Variants in SYT5 observed in about 807,000 individuals in gnomAD.
SYT5 encodes synaptotagmin 5.
Under a neutral mutation model 36.0 loss-of-function variants are expected in SYT5, and 29 were observed. The observed-to-expected ratio is 0.81, with a 90% CI of 0.60 to 1.10. SYT5 has a LOEUF of 1.10. Among genes scored for constraint, SYT5 ranks in the 50% least tolerant of loss-of-function variants. The pLI, the probability that SYT5 is intolerant of heterozygous loss-of-function variation, is 0.00. For missense variants in SYT5, 512 were observed against 516.0 expected (o/e 0.99, Z 0.08); for synonymous variants, 231 against 227.6 (o/e 1.02, Z -0.14).
In SYT5 at chr19:55,179,306, A is replaced by G. The variant is rs1188504165; in HGVS notation, c.-45-220T>C. 3 of 1,321,984 alleles carry G rather than the reference A, an allele frequency of 2.3e-6. No individual in the cohort carries two copies. The highest frequency in any genetic ancestry group is 3.6e-5 in the Admixed American group (1 of 27,900). 81.9% of individuals were successfully genotyped at this position (1,321,984 alleles called of 1,614,324 possible). On this transcript the variant is annotated intron_variant, in intron 1 of 8. Coordinates refer to ENST00000354308, the MANE Select transcript of SYT5 (RefSeq NM_003180.3). The surrounding 1 kb of genome is among the most constrained non-coding windows in gnomAD (Gnocchi z 4.5). ...CCTCTTCCTCCACGGCCCCACAGGC[A>G]TCCCGCTGACTTCTGCCTCGTCCTC...
At chr19:55,176,230 C>G in intron 3 of SYT5, 106 bp from the exon 4 acceptor site, 1 of 1,484,214 alleles carries the variant, frequency 6.7e-7, no homozygotes. Flanking sequence ...TATACCTGAG[C>G]TCTCACAGGC....
At position 55,173,161 on chromosome 19, in the gene SYT5, A is replaced by C; in HGVS notation, c.*323T>G. 6.8e-6 allele frequency: 2 copies of C among 294,900 alleles called. No homozygotes were observed. The highest frequency in any genetic ancestry group is 6.3e-6 in the Non-Finnish European group (1 of 159,372). The allele number at this position is 294,900 out of a possible 1,614,324, so 18.3% of individuals were successfully genotyped here. On this transcript the variant is annotated 3_prime_UTR_variant, in exon 9 of 9. Transcript: ENST00000354308. This position sits in a 1 kb window ranked among gnomAD's most constrained non-coding sequence, Gnocchi z 5.4. Reference sequence around the variant, plus strand: ...GCAGGGATGGGCTGTGTTGGAAGAGAGAGGAGAGCAGACGAGGATGGCTGA... The same window carrying C: ...GCAGGGATGGGCTGTGTTGGAAGAGCGAGGAGAGCAGACGAGGATGGCTGA...
At position 55,178,881 on chromosome 19, in the gene SYT5, G is replaced by A. The variant is rs138036665; in HGVS notation, c.79+82C>T. ...CGGATTTTCCAGCCCGCCTGCCCGAGTACACCCGTCCGAATCCCGCCCCTC... is the reference window on the plus strand; with the variant it reads ...CGGATTTTCCAGCCCGCCTGCCCGAATACACCCGTCCGAATCCCGCCCCTC... On this transcript the variant is annotated intron_variant, in intron 2 of 8. Coordinates refer to ENST00000354308, the MANE Select transcript of SYT5 (RefSeq NM_003180.3). The A allele has an allele frequency of 5.0e-4, 643 of 1,284,756 alleles. 4 individuals carry two copies. In the African/African-American group the frequency reaches 8.9e-3, roughly 18 times the overall value. The allele number at this position is 1,284,756 out of a possible 1,614,324, so 79.6% of individuals were successfully genotyped here. A position where few individuals can be genotyped will look rare whatever the true frequency, so the allele number is the denominator to read the frequency against.
At position 55,175,246 on chromosome 19, in the gene SYT5, C is replaced by T. The variant is rs1177256311; in HGVS notation, c.634G>A (p.Val212Ile). The T allele has an allele frequency of 4.4e-6, 7 of 1,608,650 alleles. No individual in the cohort carries two copies. The highest frequency in any genetic ancestry group is 5.1e-6 in the Non-Finnish European group (6 of 1,178,386). Residue 212 changes from valine to isoleucine, a missense_variant, in exon 6 of 9, where the codon GTC becomes ATC. Physicochemically the swap from Val to Ile is conservative, Grantham distance 29 (BLOSUM62 3). Coordinates refer to ENST00000354308, the MANE Select transcript of SYT5 (RefSeq NM_003180.3). This position sits in a 1 kb window ranked among gnomAD's most constrained non-coding sequence, Gnocchi z 4.5. ...SRNDAIGEVR[V>I]PMSSVDLGRP... ...CCCAGGTCCACGGAGCTCATAGGGA[C>T]CCGCACCTCCCCGATGGCGTCATTG...
intron 7 of SYT5, 70 bp downstream of exon 7, chr19:55,174,812 C>G: frequency 1.3e-6 from 2 of 1,578,790 alleles, no homozygotes; most frequent in African/African-American, 1.3e-5. Flanking sequence ...CCTCGAGGCT[C>G]AGAAACTGTC....
Position 55,174,961 on chromosome 19 carries a change from A to G in SYT5, c.747T>C (p.Tyr249=). Residue 249 remains tyrosine (Y), a synonymous_variant, in exon 7 of 9, where the codon TAT becomes TAC. Transcript: ENST00000354308. ...CGGTGAGCTTCCCGGCCGTGGGGAC[A>G]TAGCGGAGGGAGAAGCAGATGTCCC... ...KLGDICFSLR[Y]VPTAGKLTVI... is the part of the protein sequence containing the mutation. The G allele has an allele frequency of 6.2e-7, 1 of 1,614,138 alleles. No individual in the cohort carries two copies. The highest frequency in any genetic ancestry group is 8.5e-7 in the Non-Finnish European group (1 of 1,180,022).
intron 8 of SYT5, among the ~76,000 whole-genome samples, chr19:55,174,183 CGGGG>C (rs2086041733): frequency 6.8e-6 from 1 of 147,814 alleles, no homozygotes; most frequent in African/African-American, 2.5e-5. Context: ...TGCTTGGGGG[CGGGG>C]CATCCTGGTC....
At position 55,171,785 on chromosome 19, in the gene SYT5, A is replaced by AAAAAG. The variant is rs911170992; in HGVS notation, c.*1694_*1698dup. 4 of 152,160 alleles carry AAAAAG rather than the reference A, an allele frequency of 2.6e-5. No homozygotes were observed. The highest frequency in any genetic ancestry group is 1.9e-4 in the East Asian group (1 of 5,194). The allele number at this position is 152,160 out of a possible 1,614,324, so 9.4% of individuals were successfully genotyped here. A position where few individuals can be genotyped will look rare whatever the true frequency, so the allele number is the denominator to read the frequency against. ...GCAACATAGCAAGACCCCATCTCTA[A>AAAAAG]AAAAGAAAAGAAAAGAAAAGAAAAA... is the stretch of plus-strand genomic sequence containing the variant. On this transcript the variant is annotated 3_prime_UTR_variant, in exon 9 of 9. Transcript: ENST00000354308.
chr19:55,173,835 C>T lies in SYT5; in HGVS notation c.961-151G>A. On this transcript the variant is annotated intron_variant, in intron 8 of 8. Transcript: ENST00000354308. This position sits in a 1 kb window ranked among gnomAD's most constrained non-coding sequence, Gnocchi z 5.4. Reference sequence around the variant, plus strand: ...TCGGGACGGGGGAGGGGGTGGGAGACGAGAGGGACGGAGCCTGCGGCGAGG... The same window carrying T: ...TCGGGACGGGGGAGGGGGTGGGAGATGAGAGGGACGGAGCCTGCGGCGAGG... The T allele has an allele frequency of 1.4e-6, 1 of 717,298 alleles. No homozygotes were observed. The highest frequency in any genetic ancestry group is 4.3e-5 in the Admixed American group (1 of 23,082). The allele number at this position is 717,298 out of a possible 1,614,324, so 44.4% of individuals were successfully genotyped here.
At chr19:55,178,728 T>C (rs2086105919) in intron 2 of SYT5, among the ~76,000 whole-genome samples, 1 of 146,382 alleles carries the variant, frequency 6.8e-6, no homozygotes, top group South Asian at 2.2e-4. Context: ...TCCCATTCCA[T>C]GCAACACCCC....
Position 55,178,364 on chromosome 19 carries a change from G to A in SYT5, c.84C>T (p.Pro28=), listed in dbSNP as rs374244329. Residue 28 remains proline, a synonymous_variant, in exon 3 of 9, where the codon CCC becomes CCT. Transcript: ENST00000354308. The part of the protein sequence containing the change: ...DSSRISHGPV[P]PWALATIVLV... ...GCACGATGGTGGCCAGGGCCCAGGG[G>A]GGCACTGCAGAGGGGTGGAGACAAC... The A allele has an allele frequency of 2.5e-6, 4 of 1,609,674 alleles. No homozygotes were observed. The highest frequency in any genetic ancestry group is 3.4e-6 in the Non-Finnish European group (4 of 1,178,814).
At position 55,173,388 on chromosome 19, in the gene SYT5, G is replaced by A; in HGVS notation, c.*96C>T. 1 of 1,064,384 alleles carries A rather than the reference G, an allele frequency of 9.4e-7. No homozygotes were observed. Among genetic ancestry groups the A allele is most frequent in the Non-Finnish European group, 1.2e-6 (1 of 813,212 alleles). The allele number at this position is 1,064,384 out of a possible 1,614,324, so 65.9% of individuals were successfully genotyped here. A position where few individuals can be genotyped will look rare whatever the true frequency, so the allele number is the denominator to read the frequency against. ...GGTGGGGGGAGGGTAACCGTCAGAG[G>A]AAGCTTAAGGGTGGGGCTGGCTTGG... On this transcript the variant is annotated 3_prime_UTR_variant, in exon 9 of 9. Coordinates refer to ENST00000354308, the MANE Select transcript of SYT5 (RefSeq NM_003180.3). This position sits in a 1 kb window ranked among gnomAD's most constrained non-coding sequence, Gnocchi z 5.4.
In SYT5 at chr19:55,173,827, G is replaced by A. The variant is rs932742019; in HGVS notation, c.961-143C>T. 3.3e-5 allele frequency: 27 copies of A among 821,128 alleles called. No individual in the cohort carries two copies. Among genetic ancestry groups the A allele is most frequent in the Non-Finnish European group, 4.6e-5 (27 of 590,330 alleles). 50.9% of individuals were successfully genotyped at this position (821,128 alleles called of 1,614,324 possible). A position where few individuals can be genotyped will look rare whatever the true frequency, so the allele number is the denominator to read the frequency against. On this transcript the variant is annotated intron_variant, in intron 8 of 8. Coordinates refer to ENST00000354308, the MANE Select transcript of SYT5 (RefSeq NM_003180.3). This position sits in a 1 kb window ranked among gnomAD's most constrained non-coding sequence, Gnocchi z 5.4. ...CCCGGAGCTCGGGACGGGGGAGGGG[G>A]TGGGAGACGAGAGGGACGGAGCCTG...
rs983435346 is a variant in SYT5 at position 55,178,320 on chromosome 19, A to T, written c.128T>A (p.Ile43Asn). The stretch of plus-strand genomic sequence containing the variant: ...GTAGAGACAGAAACAGCAGCTGAAG[A>T]TGAGGAGGCCTGAGACCAGCACGAT... ...ATIVLVSGLL[I>N]FSCCFCLYRK... Residue 43 changes from isoleucine to asparagine, a missense_variant, in exon 3 of 9, where the codon ATC becomes AAC. Ile to Asn is a moderately radical substitution (Grantham distance 149). Transcript: ENST00000354308. 5.0e-6 allele frequency: 8 copies of T among 1,612,138 alleles called. No homozygotes were observed. Among genetic ancestry groups the T allele is most frequent in the Non-Finnish European group, 6.8e-6 (8 of 1,179,442 alleles).
In SYT5 at chr19:55,180,093, G is replaced by C. The variant is rs1402140457; in HGVS notation, c.-46+24C>G. 3 of 152,582 alleles carry C rather than the reference G, an allele frequency of 2.0e-5. No individual in the cohort carries two copies. In the East Asian group the frequency reaches 5.8e-4, roughly 29 times the overall value. 9.5% of individuals were successfully genotyped at this position (152,582 alleles called of 1,614,324 possible). ...GGGATGCGGATGCGGATGGGCTGAG[G>C]GCGGGGGTCCCAGCAGCTCCTACCT... On this transcript the variant is annotated intron_variant, in intron 1 of 8. Coordinates refer to ENST00000354308, the MANE Select transcript of SYT5 (RefSeq NM_003180.3).
Position 55,173,208 on chromosome 19 carries a change from C to G in SYT5, c.*276G>C. Reference sequence around the variant, plus strand: ...CTGATTGTCAAAGCAGGGGGCAGGACCCGGGGGCAGGAGAAACCAGGCTGC... The same window carrying G: ...CTGATTGTCAAAGCAGGGGGCAGGAGCCGGGGGCAGGAGAAACCAGGCTGC... On this transcript the variant is annotated 3_prime_UTR_variant, in exon 9 of 9. Transcript: ENST00000354308. This position sits in a 1 kb window ranked among gnomAD's most constrained non-coding sequence, Gnocchi z 5.4. 2.6e-6 allele frequency: 1 copy of G among 382,486 alleles called. No individual in the cohort carries two copies. The allele number at this position is 382,486 out of a possible 1,614,324, so 23.7% of individuals were successfully genotyped here.
At chr19:55,176,232 C>A in intron 3 of SYT5, 108 bp from the exon 4 acceptor site, 1 of 1,485,714 alleles carries the variant, frequency 6.7e-7, no homozygotes, top group Admixed American at 1.8e-5. Flanking sequence ...TACCTGAGCT[C>A]TCACAGGCTA....
rs1325350399 is a variant in SYT5, at chr19:55,175,536, C to A, written c.540+173G>T. Reference sequence around the variant, plus strand: ...GAACCCAAATCGTACCGCCCAAGGACCAGGCTACAGCCCAGGAGTCAGTAG... The same window carrying A: ...GAACCCAAATCGTACCGCCCAAGGAACAGGCTACAGCCCAGGAGTCAGTAG... On this transcript the variant is annotated intron_variant, in intron 5 of 8. Coordinates refer to ENST00000354308, the MANE Select transcript of SYT5 (RefSeq NM_003180.3). The surrounding 1 kb of genome is among the most constrained non-coding windows in gnomAD (Gnocchi z 4.5). 6.6e-6 allele frequency among the ~76,000 whole-genome samples: 1 copy of A among 152,094 alleles called. No homozygotes were observed. The highest frequency in any genetic ancestry group is 2.4e-5 in the African/African-American group (1 of 41,426).
chr19:55,179,266 A>C lies in SYT5; in HGVS notation c.-45-180T>G. ...GAGGGGGTGTCCAGGACCTAGTTCC[A>C]TCCTAAAGGGATACCCTCTTCCTCC... On this transcript the variant is annotated intron_variant, in intron 1 of 8. Transcript: ENST00000354308. This position sits in a 1 kb window ranked among gnomAD's most constrained non-coding sequence, Gnocchi z 4.5. 2.1e-6 allele frequency: 3 copies of C among 1,416,376 alleles called. No individual in the cohort carries two copies. The highest frequency in any genetic ancestry group is 2.8e-6 in the Non-Finnish European group (3 of 1,087,192). 87.7% of individuals were successfully genotyped at this position (1,416,376 alleles called of 1,614,324 possible).
Sources: gnomAD v4.1 joint callset for allele counts (sites outside exome capture counted in the v4.1 genomes callset) on GRCh38, gnomAD v4.1.1 for gene constraint, Gnocchi (gnomAD v3.1) non-coding constraint, MANE v1.5 for transcripts, NCBI Gene and HGNC (gene_info 2026-07-23, HGNC 2026-07-21) for gene names.